LHFPL2: variants seen among roughly 807,000 people sequenced by gnomAD.
The protein encoded by LHFPL2 is LHFPL tetraspan subfamily member 2.
A neutral mutation model predicts 17.5 loss-of-function variants in LHFPL2; 7 were observed. The observed-to-expected ratio is 0.40, with a 90% CI of 0.23 to 0.75. The LOEUF (loss-of-function observed/expected upper bound fraction) is 0.75. LHFPL2 is among the 30% of genes least tolerant of loss of function. The pLI is 0.37. For synonymous variants in LHFPL2, 134 were observed against 116.2 expected (o/e 1.15, Z -0.99); for missense variants, 241 against 294.8 (o/e 0.82, Z 1.34).
At chr5:78,580,196 G>T (rs1171152017) in intron 2 of LHFPL2, among the ~76,000 whole-genome samples, 1 of 152,036 alleles carries the variant, frequency 6.6e-6, no homozygotes, top group Non-Finnish European at 1.5e-5. Context: ...TGATGGGGTT[G>T]TTTGTTTTTT....
chr5:78,584,761 G>A (rs1007298607), intron 2 of LHFPL2, among the ~76,000 whole-genome samples: 46 of 152,318 alleles, frequency 3.0e-4, no homozygotes, highest in African/African-American at 1.0e-3. Context: ...TGCCCCCAGA[G>A]GTGGAGCCTA....
chr5:78,630,772 C>A (rs1055575535), intron 2 of LHFPL2, among the ~76,000 whole-genome samples: 4 of 152,184 alleles, frequency 2.6e-5, no homozygotes, highest in African/African-American at 9.7e-5. Context: ...AGGATGGCAA[C>A]TGGAAGGCTG....
At chr5:78,569,524 C>T (rs544249921) in intron 2 of LHFPL2, among the ~76,000 whole-genome samples, 1 of 152,250 alleles carries the variant, frequency 6.6e-6, no homozygotes, top group South Asian at 2.1e-4. Context: ...GACAACAGGT[C>T]CAGGACTACC....
intron 2 of LHFPL2, among the ~76,000 whole-genome samples, chr5:78,605,037 A>G (rs1425269426): frequency 6.6e-6 from 1 of 152,250 alleles, no homozygotes; most frequent in Admixed American, 6.5e-5. Flanking sequence ...TGAAAAACTC[A>G]TCTTTCAAAA....
chr5:78,548,561 T>C (rs890651374), intron 3 of LHFPL2, among the ~76,000 whole-genome samples: 1 of 152,244 alleles, frequency 6.6e-6, no homozygotes, highest in Non-Finnish European at 1.5e-5. Context: ...AAGGGCCGTA[T>C]CTACAGCCAT....
intron 2 of LHFPL2, among the ~76,000 whole-genome samples, chr5:78,582,535 C>T (rs1456241760): frequency 2.0e-5 from 3 of 151,396 alleles, no homozygotes; most frequent in Non-Finnish European, 4.4e-5. Context: ...GCCTTCATTT[C>T]GTTATGTACC....
Position 78,488,295 on chromosome 5 carries a change from T to G in LHFPL2, c.*602A>C, listed in dbSNP as rs1357756779. The G allele has an allele frequency of 6.5e-6, 1 of 154,824 alleles. No homozygotes were observed. Among genetic ancestry groups the G allele is most frequent in the Admixed American group, 6.3e-5 (1 of 15,864 alleles). 9.6% of individuals were successfully genotyped at this position (154,824 alleles called of 1,614,324 possible). On this transcript the variant is annotated 3_prime_UTR_variant, in exon 5 of 5. Coordinates refer to ENST00000380345, the MANE Select transcript of LHFPL2 (RefSeq NM_005779.3). Reference sequence around the variant, plus strand: ...GAGTGACAGTTCAGTTGATCCACCTTACCCTAGGATTCAGCCTAGAATAAG... The same window carrying G: ...GAGTGACAGTTCAGTTGATCCACCTGACCCTAGGATTCAGCCTAGAATAAG...
In LHFPL2 at chr5:78,510,401, A is replaced by G. The variant is rs2112323721; in HGVS notation, c.-185-3T>C. On this transcript the variant is annotated splice_polypyrimidine_tract_variant and splice_region_variant and intron_variant, in intron 3 of 4. Transcript: ENST00000380345. The stretch of plus-strand genomic sequence containing the variant: ...CAGAGCACCGCCTGCGGCCTCACCT[A>G]GGGGAGAGGGAGGGCGGTTAGCAGC... 1 of 585,796 alleles carries G rather than the reference A, an allele frequency of 1.7e-6. No individual in the cohort carries two copies. Among genetic ancestry groups the G allele is most frequent in the Non-Finnish European group, 2.9e-6 (1 of 345,860 alleles). The allele number at this position is 585,796 out of a possible 1,614,324, so 36.3% of individuals were successfully genotyped here.
At chr5:78,587,917 T>C (rs1407519045) in intron 2 of LHFPL2, among the ~76,000 whole-genome samples, 1 of 152,190 alleles carries the variant, frequency 6.6e-6, no homozygotes, top group Non-Finnish European at 1.5e-5. Context: ...GAGGAAGCAA[T>C]CTGAGCTAAG....
intron 3 of LHFPL2, among the ~76,000 whole-genome samples, chr5:78,560,475 G>A (rs1369035698): frequency 1.3e-5 from 2 of 152,192 alleles, no homozygotes; most frequent in Non-Finnish European, 2.9e-5. Flanking sequence ...ATAGCAGTAT[G>A]TGACACCAGG....
intron 4 of LHFPL2, among the ~76,000 whole-genome samples, chr5:78,508,543 T>C (rs1386518835): frequency 6.6e-6 from 1 of 152,238 alleles, no homozygotes; most frequent in Non-Finnish European, 1.5e-5. Context: ...TGAGGAACAG[T>C]AAACTTTATC....
intron 3 of LHFPL2, among the ~76,000 whole-genome samples, chr5:78,532,616 G>C (rs1003512884): frequency 1.3e-5 from 2 of 152,100 alleles, no homozygotes; most frequent in Non-Finnish European, 2.9e-5. Flanking sequence ...TTAGGTTTCA[G>C]TTAATAACTG....
chr5:78,615,756 C>A lies in LHFPL2; in HGVS notation c.-245+16508G>T, dbSNP rs188641388. Among the ~76,000 whole-genome samples, 16 of 152,318 alleles carry A rather than the reference C, an allele frequency of 1.1e-4. 1 individual carries two copies. Among genetic ancestry groups the A allele is most frequent in the Non-Finnish European group, 1.6e-4 (11 of 68,030 alleles). On this transcript the variant is annotated intron_variant, in intron 2 of 4. Coordinates refer to ENST00000380345, the MANE Select transcript of LHFPL2 (RefSeq NM_005779.3). The stretch of plus-strand genomic sequence containing the variant: ...AACCTATACTATCATAAGGGAGCCA[C>A]TCATTTGGCTCCATAAGTATAAATG...
chr5:78,514,094 G>A (rs955756530), intron 3 of LHFPL2, among the ~76,000 whole-genome samples: 5 of 152,154 alleles, frequency 3.3e-5, no homozygotes, highest in African/African-American at 9.7e-5. Context: ...TAACCACAGG[G>A]ATACGAGGCA....
chr5:78,644,270 T>TTCA (rs990117843), intron 1 of LHFPL2: 1 of 817,476 alleles, frequency 1.2e-6, no homozygotes, highest in African/African-American at 1.7e-5. Flanking sequence ...AACCAACTTA[T>TTCA]TCATCATCAT....
intron 2 of LHFPL2, among the ~76,000 whole-genome samples, chr5:78,605,504 G>A (rs1744183369): frequency 6.6e-6 from 1 of 152,234 alleles, no homozygotes; most frequent in Non-Finnish European, 1.5e-5. Context: ...GATTTTTAGG[G>A]TCTTTTATGT....
At chr5:78,593,785 C>CCTTG (rs1743729284) in intron 2 of LHFPL2, among the ~76,000 whole-genome samples, 1 of 152,084 alleles carries the variant, frequency 6.6e-6, no homozygotes, top group Non-Finnish European at 1.5e-5. Context: ...CAAGGCTGGA[C>CCTTG]CAATTGTCTA....
At chr5:78,600,816 T>G (rs551483303) in intron 2 of LHFPL2, among the ~76,000 whole-genome samples, 212 of 152,174 alleles carry the variant, frequency 1.4e-3, no homozygotes, top group African/African-American at 4.9e-3. Context: ...AACAAAATAG[T>G]ATGAAGGAAG....
rs16875642 is a variant in LHFPL2, at chr5:78,591,192, A to G, written c.-244-26321T>C. Among the ~76,000 whole-genome samples the G allele has an allele frequency of 7.9e-3, 1,210 of 152,316 alleles. 14 individuals carry two copies. The highest frequency in any genetic ancestry group is 0.026 in the African/African-American group (1,066 of 41,558). On this transcript the variant is annotated intron_variant, in intron 2 of 4. Coordinates refer to ENST00000380345, the MANE Select transcript of LHFPL2 (RefSeq NM_005779.3). The stretch of plus-strand genomic sequence containing the variant: ...AAAACGCTAATGACTTGGTGTGTAC[A>G]TGTAAGTTTACAGAAAAAAATGAAG...
Sources: allele counts gnomAD v4.1 joint callset (sites outside exome capture counted in the v4.1 genomes callset), GRCh38; gene constraint gnomAD v4.1.1; transcripts MANE v1.5; gene names NCBI Gene and HGNC (gene_info 2026-07-23, HGNC 2026-07-21).